EFCAB5: variants seen among roughly 807,000 people sequenced by gnomAD.
EFCAB5 encodes the protein EF-hand calcium binding domain 5.
EFCAB5 carries 131 observed loss-of-function variants against 167.9 expected under a neutral mutation model. The observed-to-expected ratio is 0.78, with a 90% CI of 0.68 to 0.90. EFCAB5 has a LOEUF of 0.90. Among genes scored for constraint, EFCAB5 ranks in the 40% least tolerant of loss-of-function variants. The pLI, the probability that EFCAB5 is intolerant of heterozygous loss-of-function variation, is 0.00. For missense variants in EFCAB5, 1,663 were observed against 1,745.2 expected, an observed-to-expected ratio of 0.95 and a Z score of 0.84; for synonymous variants, 574 against 602.8, an observed-to-expected ratio of 0.95 and a Z score of 0.70.
chr17:29,993,043 C>A, intron 4 of EFCAB5, 122 bp from the exon 5 acceptor site: 2 of 1,064,610 alleles, frequency 1.9e-6, no homozygotes, highest in Non-Finnish European at 2.6e-6. Flanking sequence ...AGGCCTGAAT[C>A]AAAGATTTTA....
intron 4 of EFCAB5, among the ~76,000 whole-genome samples, chr17:29,970,780 T>C (rs1293504231): frequency 1.3e-5 from 2 of 152,268 alleles, no homozygotes; most frequent in South Asian, 2.1e-4. Context: ...ATTGTTGCCC[T>C]AAAGTTTTTT....
chr17:30,037,118 C>A (rs1407863244), intron 8 of EFCAB5, among the ~76,000 whole-genome samples: 1 of 152,138 alleles, frequency 6.6e-6, no homozygotes, highest in African/African-American at 2.4e-5. Context: ...CTACAAGCTT[C>A]ATAGAGAAGT....
At chr17:30,057,970 G>A (rs1324121895) in intron 13 of EFCAB5, 80 bp downstream of exon 13, 22 of 1,314,262 alleles carry the variant, frequency 1.7e-5, no homozygotes, top group Non-Finnish European at 2.1e-5. Flanking sequence ...CTCCCGATGT[G>A]GCTCGTGTTA....
intron 7 of EFCAB5, among the ~76,000 whole-genome samples, chr17:30,016,615 A>G (rs1411975967): frequency 6.6e-6 from 1 of 152,206 alleles, no homozygotes; most frequent in Non-Finnish European, 1.5e-5. Flanking sequence ...ATAGGCCACA[A>G]AGATTGCCTT....
chr17:30,000,050 C>T (rs2068629606), intron 7 of EFCAB5, 74 bp downstream of exon 7: 3 of 1,083,848 alleles, frequency 2.8e-6, no homozygotes, highest in Non-Finnish European at 4.0e-6. Flanking sequence ...GGCTGTCACA[C>T]ATCATTAAAT....
chr17:30,051,254 G>GT, intron 9 of EFCAB5, 37 bp downstream of exon 9: 2 of 1,573,832 alleles, frequency 1.3e-6, no homozygotes, highest in Non-Finnish European at 1.7e-6. Flanking sequence ...TCAAGCTGGA[G>GT]TGTCGCAGTG....
rs140906644 is a variant in EFCAB5 at position 30,071,463 on chromosome 17, T to C, written c.2738-6752T>C. Reference sequence around the variant, plus strand: ...ACCACAATGAAGTATTATCTCACCCTGGCTAGAATGGCTATTACTAAAAAG... The same window carrying C: ...ACCACAATGAAGTATTATCTCACCCCGGCTAGAATGGCTATTACTAAAAAG... On this transcript the variant is annotated intron_variant, in intron 14 of 22. Coordinates refer to ENST00000394835, the MANE Select transcript of EFCAB5 (RefSeq NM_198529.4). Among the ~76,000 whole-genome samples, 634 of 151,414 alleles carry C rather than the reference T, an allele frequency of 4.2e-3. 5 individuals are homozygous for C. The highest frequency in any genetic ancestry group is 0.015 in the African/African-American group (602 of 41,192).
chr17:29,930,105 A>G, intron 1 of EFCAB5: 1 of 869,136 alleles, frequency 1.2e-6, no homozygotes, highest in Non-Finnish European at 1.7e-6. Flanking sequence ...GTGGGGGTGA[A>G]GGGAACGGGG....
chr17:29,966,731 G>A (rs141531798), intron 3 of EFCAB5, among the ~76,000 whole-genome samples: 18 of 152,076 alleles, frequency 1.2e-4, no homozygotes, highest in Admixed American at 9.2e-4. Context: ...TATGCAGTCC[G>A]CACTTAAAGA....
chr17:30,039,848 C>A (rs1196178304), intron 8 of EFCAB5, among the ~76,000 whole-genome samples: 3 of 152,170 alleles, frequency 2.0e-5, no homozygotes, highest in Non-Finnish European at 2.9e-5. Flanking sequence ...CTTTGTTCTC[C>A]CTTCTCCACC....
intron 7 of EFCAB5, among the ~76,000 whole-genome samples, chr17:30,026,952 TC>T (rs2069339902): frequency 7.6e-6 from 1 of 132,112 alleles, no homozygotes; most frequent in Non-Finnish European, 1.6e-5. Context: ...TCCTTGTACC[TC>T]CTTGTACCTT....
At position 30,096,677 on chromosome 17, in the gene EFCAB5, A is replaced by ATATATATTTTT. The variant is rs1193558323; in HGVS notation, c.4321+3742_4321+3743insATATATTTTTT. On this transcript the variant is annotated intron_variant, in intron 22 of 22. Coordinates refer to ENST00000394835, the MANE Select transcript of EFCAB5 (RefSeq NM_198529.4). ...CATATATATATATATATATATATAT[A>ATATATATTTTT]TTTTTTTTTTTTTTTTTTTTGAGAT... Among the ~76,000 whole-genome samples, 87 of 60,116 alleles carry ATATATATTTTT rather than the reference A, an allele frequency of 1.4e-3. 3 individuals are homozygous for ATATATATTTTT. Among genetic ancestry groups the ATATATATTTTT allele is most frequent in the African/African-American group, 7.1e-3 (84 of 11,894 alleles). 39.4% of individuals were successfully genotyped at this position (60,116 alleles called of 152,430 possible). A position where few individuals can be genotyped will look rare whatever the true frequency, so the allele number is the denominator to read the frequency against.
At chr17:30,002,233 G>A (rs1012373763) in intron 7 of EFCAB5, among the ~76,000 whole-genome samples, 1 of 152,014 alleles carries the variant, frequency 6.6e-6, no homozygotes, top group Admixed American at 6.6e-5. Flanking sequence ...TGCAAAGATA[G>A]TACAGAGAGG....
At chr17:29,980,746 T>C (rs1343127722) in intron 4 of EFCAB5, among the ~76,000 whole-genome samples, 3 of 152,220 alleles carry the variant, frequency 2.0e-5, no homozygotes, top group Non-Finnish European at 2.9e-5. Flanking sequence ...CATCTATACA[T>C]TCATGACTTT....
chr17:29,960,186 G>A (rs1410846756), intron 3 of EFCAB5, among the ~76,000 whole-genome samples: 1 of 152,138 alleles, frequency 6.6e-6, no homozygotes, highest in East Asian at 1.9e-4. Context: ...TCTCTGTACT[G>A]TGAGGCCACT....
At chr17:30,009,372 A>G (rs2068842452) in intron 7 of EFCAB5, among the ~76,000 whole-genome samples, 1 of 149,802 alleles carries the variant, frequency 6.7e-6, no homozygotes, top group African/African-American at 2.5e-5. Context: ...CTTCATACCC[A>G]TTAGCAGTCA....
chr17:29,993,380 G>T, intron 5 of EFCAB5, 59 bp downstream of exon 5: 1 of 1,544,760 alleles, frequency 6.5e-7, no homozygotes, highest in Non-Finnish European at 8.8e-7. Flanking sequence ...AAGGGCAATT[G>T]CTAGAATACT....
chr17:30,008,554 C>T (rs1329116081), intron 7 of EFCAB5, among the ~76,000 whole-genome samples: 1 of 151,602 alleles, frequency 6.6e-6, no homozygotes, highest in East Asian at 1.9e-4. Flanking sequence ...CATGCCACTG[C>T]ACTCCAGCCT....
intron 4 of EFCAB5, among the ~76,000 whole-genome samples, chr17:29,989,973 G>A (rs182131996): frequency 1.1e-3 from 166 of 152,182 alleles, no homozygotes; most frequent in African/African-American, 3.6e-3. Flanking sequence ...GGACACACCC[G>A]ATTTCATGCA....
Sources: gnomAD v4.1 joint callset for allele counts (sites outside exome capture counted in the v4.1 genomes callset) on GRCh38, gnomAD v4.1.1 for gene constraint, MANE v1.5 for transcripts, NCBI Gene and HGNC (gene_info 2026-07-23, HGNC 2026-07-21) for gene names.